Variants in LRP4 observed in about 807,000 individuals in gnomAD.
The protein encoded by LRP4 is low-density lipoprotein receptor-related protein 4.
Under a neutral mutation model 220.3 loss-of-function variants are expected in LRP4, and 95 were observed. The observed-to-expected ratio is 0.43, with a 90% CI of 0.37 to 0.51. LRP4 has a LOEUF of 0.51. Among genes scored for constraint, LRP4 ranks in the 20% least tolerant of loss-of-function variants. The probability of loss-of-function intolerance (pLI) is 0.00; values close to 1 mark genes in which losing one functional copy is unlikely to be tolerated. For missense variants in LRP4, 1,925 were observed against 2,567.0 expected (o/e 0.75, Z 5.40); for synonymous variants, 903 against 954.6 (o/e 0.95, Z 1.00).
intron 18 of LRP4, among the ~76,000 whole-genome samples, chr11:46,884,680 T>C (rs7105172): frequency 0.18 from 24,883 of 137,674 alleles, 3,576 homozygotes; most frequent in African/African-American, 0.42. Context: ...GAGCTTGCAG[T>C]GAGCCGAGAT....
intron 37 of LRP4, among the ~76,000 whole-genome samples, chr11:46,861,523 C>CTTTTTTTTTTTTTTTTT (rs576719115): frequency 1.2e-5 from 1 of 83,468 alleles, no homozygotes; most frequent in African/African-American, 4.7e-5. Flanking sequence ...GGAAATGGGA[C>CTTTTTTTTTTTTTTTTT]TTTTTTTTTT....
intron 16 of LRP4, among the ~76,000 whole-genome samples, chr11:46,889,193 G>A (rs142412698): frequency 6.2e-4 from 95 of 152,280 alleles, no homozygotes; most frequent in Non-Finnish European, 1.1e-3. Context: ...GTTCACACTC[G>A]ACCGGGCGGT....
chr11:46,909,611 CAAA>C (rs71042636), intron 1 of LRP4, among the ~76,000 whole-genome samples: 13 of 46,100 alleles, frequency 2.8e-4, no homozygotes, highest in African/African-American at 6.0e-4. Flanking sequence ...GACTCCGTCT[CAAA>C]AAAAAAAAAA....
chr11:46,909,930 G>C (rs1941828606), intron 1 of LRP4, among the ~76,000 whole-genome samples: 1 of 152,146 alleles, frequency 6.6e-6, no homozygotes, highest in African/African-American at 2.4e-5. Context: ...TCCTACAAGA[G>C]TTCCTTTCAC....
At chr11:46,913,244 A>C (rs1941894903) in intron 1 of LRP4, among the ~76,000 whole-genome samples, 1 of 152,234 alleles carries the variant, frequency 6.6e-6, no homozygotes, top group African/African-American at 2.4e-5. Context: ...AAGGGCACCT[A>C]GGATGTTTGC....
At position 46,899,576 on chromosome 11, in the gene LRP4, C is replaced by T. The variant is rs1273285968; in HGVS notation, c.431-73G>A. The T allele has an allele frequency of 1.9e-6, 2 of 1,080,194 alleles. No homozygotes were observed. Among genetic ancestry groups the T allele is most frequent in the Non-Finnish European group, 1.4e-6 (1 of 704,234 alleles). The allele number at this position is 1,080,194 out of a possible 1,614,324, so 66.9% of individuals were successfully genotyped here. ...ACCCTCTCACCCTCCTCTCTGACTCCCAACCTCACTGGCTTTGGCGGGTCT... is the reference window on the plus strand; with the variant it reads ...ACCCTCTCACCCTCCTCTCTGACTCTCAACCTCACTGGCTTTGGCGGGTCT... On this transcript the variant is annotated intron_variant, in intron 4 of 37. Coordinates refer to ENST00000378623, the MANE Select transcript of LRP4 (RefSeq NM_002334.4). This position sits in a 1 kb window ranked among gnomAD's most constrained non-coding sequence, Gnocchi z 5.9.
chr11:46,871,363 G>A (rs1940857498), intron 31 of LRP4, among the ~76,000 whole-genome samples, 162 bp downstream of exon 31: 2 of 152,072 alleles, frequency 1.3e-5, no homozygotes, highest in African/African-American at 4.8e-5. Context: ...GCACTCGGTG[G>A]CCCTACCAAC....
At chr11:46,910,058 A>T (rs1005220286) in intron 1 of LRP4, among the ~76,000 whole-genome samples, 3 of 152,176 alleles carry the variant, frequency 2.0e-5, no homozygotes, top group African/African-American at 7.2e-5. Context: ...TGGAAAATCT[A>T]CCAGGTGAAG....
intron 1 of LRP4, among the ~76,000 whole-genome samples, chr11:46,914,428 G>A (rs568610623): frequency 1.3e-5 from 2 of 152,220 alleles, no homozygotes; most frequent in African/African-American, 2.4e-5. Context: ...CCGATTGTAC[G>A]AGGAACTCAT....
chr11:46,887,873 GGTGTGACA>G (rs1941332108), intron 16 of LRP4, among the ~76,000 whole-genome samples: 2 of 151,716 alleles, frequency 1.3e-5, no homozygotes. Context: ...AAATTCGCCA[GGTGTGACA>G]GTGTATGCCT....
In LRP4 at chr11:46,873,808, T is replaced by G. The variant is rs1347687990; in HGVS notation, c.4230-215A>C. On this transcript the variant is annotated intron_variant, in intron 28 of 37. Coordinates refer to ENST00000378623, the MANE Select transcript of LRP4 (RefSeq NM_002334.4). The surrounding 1 kb of genome is among the most constrained non-coding windows in gnomAD (Gnocchi z 4.2). Reference sequence around the variant, plus strand: ...ACCAGTTCTTAGGAGGACACAGTATTTCCTGCTAACTGGACATAGTGGCGG... The same window carrying G: ...ACCAGTTCTTAGGAGGACACAGTATGTCCTGCTAACTGGACATAGTGGCGG... 1.1e-5 allele frequency: 6 copies of G among 547,480 alleles called. No individual in the cohort carries two copies. Among genetic ancestry groups the G allele is most frequent in the African/African-American group, 1.9e-5 (1 of 53,488 alleles). 33.9% of individuals were successfully genotyped at this position (547,480 alleles called of 1,614,324 possible).
rs377009960 is a variant in LRP4 at position 46,874,572 on chromosome 11, TTTG to T, written c.4229+225_4229+227del. On this transcript the variant is annotated intron_variant, in intron 28 of 37. Coordinates refer to ENST00000378623, the MANE Select transcript of LRP4 (RefSeq NM_002334.4). Reference sequence around the variant, plus strand: ...AGGTCCCCTGACTTTACCTGTTTTTTTTGTTGTTGTTGTTTGTTTTACATACTA... The same window carrying T: ...AGGTCCCCTGACTTTACCTGTTTTTTTTGTTGTTGTTTGTTTTACATACTA... Among the ~76,000 whole-genome samples the T allele has an allele frequency of 9.2e-5, 14 of 152,304 alleles. No homozygotes were observed. In the East Asian group the frequency reaches 2.5e-3, roughly 27 times the overall value.
At chr11:46,885,073 A>G (rs1225719554) in intron 18 of LRP4, among the ~76,000 whole-genome samples, 3 of 151,884 alleles carry the variant, frequency 2.0e-5, no homozygotes, top group Non-Finnish European at 4.4e-5. Flanking sequence ...GCAGCCTTGA[A>G]CTCCCGGATT....
Position 46,886,145 on chromosome 11 carries a change from G to A in LRP4, c.2452C>T (p.Pro818Ser). The A allele has an allele frequency of 1.2e-6, 2 of 1,614,060 alleles. No homozygotes were observed. Among genetic ancestry groups the A allele is most frequent in the Non-Finnish European group, 8.5e-7 (1 of 1,180,012 alleles). ...ACCCAATCAATGGCCAGGCCAGCTG[G>A]GCTCTCCAAACTGGTATCCACTACC... ...EVVVDTSLES[P>S]AGLAIDWVTN... Residue 818 changes from proline to serine, a missense_variant, in exon 18 of 38, where the codon CCA becomes TCA. Physicochemically the swap from Pro to Ser is moderately conservative, Grantham distance 74. This residue lies in a region of LRP4 where 1,244 missense variants were observed against 1,624.9 expected (regional missense o/e 0.77). Transcript: ENST00000378623.
chr11:46,866,608 A>T (rs1940708117), intron 34 of LRP4, among the ~76,000 whole-genome samples: 1 of 152,190 alleles, frequency 6.6e-6, no homozygotes, highest in Non-Finnish European at 1.5e-5. Context: ...TATAAAATAT[A>T]AATGGAAAAC....
At chr11:46,863,535 C>T (rs552167425) in intron 36 of LRP4, among the ~76,000 whole-genome samples, 45 of 138,798 alleles carry the variant, frequency 3.2e-4, no homozygotes, top group Non-Finnish European at 5.5e-4. Context: ...GCCAGGAGTT[C>T]GAGACCAGCC....
intron 2 of LRP4, among the ~76,000 whole-genome samples, chr11:46,902,112 CTTTGG>C (rs1941676606): frequency 6.6e-6 from 1 of 151,642 alleles, no homozygotes. Flanking sequence ...AATCCCAGCA[CTTTGG>C]GAGGCTGAGG....
intron 12 of LRP4, among the ~76,000 whole-genome samples, 153 bp downstream of exon 12, chr11:46,894,436 C>T (rs7939991): frequency 8.3e-4 from 127 of 152,274 alleles, no homozygotes; most frequent in Middle Eastern, 6.8e-3. Context: ...TATACATTAA[C>T]AAATGTTTTC....
intron 18 of LRP4, among the ~76,000 whole-genome samples, chr11:46,885,671 C>T (rs1207546765): frequency 6.7e-6 from 1 of 149,864 alleles, no homozygotes; most frequent in East Asian, 2.0e-4. Flanking sequence ...ACTTGGGAGG[C>T]TGAGGCAGGA....
Sources: allele counts gnomAD v4.1 joint callset (sites outside exome capture counted in the v4.1 genomes callset), GRCh38; gene constraint gnomAD v4.1.1; regional missense constraint gnomAD v4.1.1; non-coding constraint Gnocchi (gnomAD v3.1); transcripts MANE v1.5; gene names NCBI Gene and HGNC (gene_info 2026-07-23, HGNC 2026-07-21).